Variants in PTPRG observed in about 807,000 individuals in gnomAD.
PTPRG encodes the protein receptor-type tyrosine-protein phosphatase gamma.
In PTPRG, 102 loss-of-function variants were observed where a neutral mutation model predicts 165.3. That is an observed-to-expected ratio of 0.62 (90% CI 0.53 to 0.73). PTPRG has a LOEUF of 0.73. Ranked by LOEUF, PTPRG falls within the 30% of genes least tolerant of loss-of-function variation. The pLI is 0.00. For missense variants in PTPRG, 1,866 were observed against 1,861.4 expected (o/e 1.00, Z -0.05); for synonymous variants, 675 against 669.5 (o/e 1.01, Z -0.13).
At chr3:62,215,615 A>T (rs1321913380) in intron 12 of PTPRG, among the ~76,000 whole-genome samples, 1 of 144,140 alleles carries the variant, frequency 6.9e-6, no homozygotes, top group Non-Finnish European at 1.5e-5. Flanking sequence ...CCATTGTGGA[A>T]ATCAAGTTTG....
intron 7 of PTPRG, among the ~76,000 whole-genome samples, chr3:62,157,458 T>C (rs1354383177): frequency 6.6e-6 from 1 of 152,222 alleles, no homozygotes; most frequent in African/African-American, 2.4e-5. Context: ...ACTCATGAAA[T>C]CTGAGTATTG....
At position 62,271,479 on chromosome 3, in the gene PTPRG, C is replaced by G. The variant is rs757504779; in HGVS notation, c.3106C>G (p.Leu1036Val). The change falls in exon 21 of 30, where the codon CTT becomes GTT. Residue 1036 changes from leucine (L) to valine (V), a missense_variant. This residue lies in a region of PTPRG where 1,452 missense variants were observed against 1,463.0 expected (regional missense o/e 0.99). Transcript: ENST00000474889. The surrounding 1 kb of genome is among the most constrained non-coding windows in gnomAD (Gnocchi z 4.1). ...TGACATGGGAGTTCCCGAGTATGCC[C>G]TTCCAGTACTGACTTTCGTGAGGAG... ...WPDMGVPEYA[L>V]PVLTFVRRSS... The G allele has an allele frequency of 6.2e-7, 1 of 1,614,016 alleles. No individual in the cohort carries two copies. The highest frequency in any genetic ancestry group is 8.5e-7 in the Non-Finnish European group (1 of 1,179,880).
rs540805114 is a variant in PTPRG at position 62,255,225 on chromosome 3, A to G, written c.2559+10A>G. 6.2e-7 allele frequency: 1 copy of G among 1,600,548 alleles called. No homozygotes were observed. The highest frequency in any genetic ancestry group is 2.2e-5 in the East Asian group (1 of 44,592). Reference sequence around the variant, plus strand: ...CTCTGAGGATTTTGAGGTATGTTTCAAGGCTGGAAGTTAACTTCCAGAAAC... The same window carrying G: ...CTCTGAGGATTTTGAGGTATGTTTCGAGGCTGGAAGTTAACTTCCAGAAAC... On this transcript the variant is annotated intron_variant, in intron 16 of 29. Transcript: ENST00000474889. This position sits in a 1 kb window ranked among gnomAD's most constrained non-coding sequence, Gnocchi z 4.0.
intron 5 of PTPRG, among the ~76,000 whole-genome samples, chr3:62,130,645 G>T (rs930539676): frequency 2.0e-5 from 3 of 152,024 alleles, no homozygotes; most frequent in Non-Finnish European, 4.4e-5. Context: ...TTCTATTCTG[G>T]CCTCTTGAAA....
intron 5 of PTPRG, among the ~76,000 whole-genome samples, chr3:62,082,357 C>G (rs1423664540): frequency 6.6e-6 from 1 of 152,176 alleles, no homozygotes; most frequent in South Asian, 2.1e-4. Context: ...ACAAACCTAG[C>G]AGACATCTGG....
intron 1 of PTPRG, among the ~76,000 whole-genome samples, chr3:61,567,849 T>C (rs1224798151): frequency 6.7e-6 from 1 of 149,532 alleles, no homozygotes; most frequent in African/African-American, 2.5e-5. Flanking sequence ...CTGTACTTGG[T>C]GGTATGCGCC....
At chr3:61,589,207 G>C (rs755060516) in intron 1 of PTPRG, among the ~76,000 whole-genome samples, 1 of 152,104 alleles carries the variant, frequency 6.6e-6, no homozygotes, top group Admixed American at 6.5e-5. Flanking sequence ...TGAAATAGCC[G>C]TATCTGTTTT....
intron 1 of PTPRG, among the ~76,000 whole-genome samples, chr3:61,662,402 C>T (rs1244790890): frequency 6.6e-6 from 1 of 152,134 alleles, no homozygotes; most frequent in African/African-American, 2.4e-5. Context: ...TATAAGTAAG[C>T]CTGGAAGTGG....
chr3:62,113,042 C>G (rs1244678040), intron 5 of PTPRG, among the ~76,000 whole-genome samples: 3 of 152,164 alleles, frequency 2.0e-5, no homozygotes, highest in Middle Eastern at 3.2e-3. Context: ...TGATTCATGT[C>G]TGAGAGATGA....
At chr3:61,764,722 C>G (rs1258292085) in intron 2 of PTPRG, among the ~76,000 whole-genome samples, 1 of 152,160 alleles carries the variant, frequency 6.6e-6, no homozygotes, top group African/African-American at 2.4e-5. Flanking sequence ...TTAAACTACT[C>G]TGTGAATTTT....
chr3:62,245,373 A>G lies in PTPRG; in HGVS notation c.2467+1475A>G, dbSNP rs574612968. ...ACTTTTTCCTCTTGCTTTACCTACAATATGTGTTGACCACTGGAAAATTCC... is the reference window on the plus strand; with the variant it reads ...ACTTTTTCCTCTTGCTTTACCTACAGTATGTGTTGACCACTGGAAAATTCC... On this transcript the variant is annotated intron_variant, in intron 15 of 29. Coordinates refer to ENST00000474889, the MANE Select transcript of PTPRG (RefSeq NM_002841.4). The surrounding 1 kb of genome is among the most constrained non-coding windows in gnomAD (Gnocchi z 4.2). Among the ~76,000 whole-genome samples, 1 of 152,260 alleles carries G rather than the reference A, an allele frequency of 6.6e-6. No homozygotes were observed. Among genetic ancestry groups the G allele is most frequent in the African/African-American group, 2.4e-5 (1 of 41,562 alleles).
At chr3:61,787,345 T>A (rs1289171117) in intron 2 of PTPRG, among the ~76,000 whole-genome samples, 1 of 152,246 alleles carries the variant, frequency 6.6e-6, no homozygotes, top group Non-Finnish European at 1.5e-5. Context: ...TTATTTAATT[T>A]ATGCTGTTAC....
intron 1 of PTPRG, among the ~76,000 whole-genome samples, chr3:61,705,496 A>G (rs528266593): frequency 6.6e-6 from 1 of 151,770 alleles, no homozygotes; most frequent in South Asian, 2.1e-4. Flanking sequence ...AGTTTGTCCA[A>G]TAGAGATGTT....
chr3:62,209,428 T>C (rs904303396), intron 12 of PTPRG, among the ~76,000 whole-genome samples: 1 of 152,140 alleles, frequency 6.6e-6, no homozygotes, highest in Non-Finnish European at 1.5e-5. Context: ...GAGTAGTAAT[T>C]TAAAGACAAA....
At chr3:62,073,502 T>C (rs541397814) in intron 4 of PTPRG, among the ~76,000 whole-genome samples, 1 of 152,042 alleles carries the variant, frequency 6.6e-6, no homozygotes, top group Non-Finnish European at 1.5e-5. Flanking sequence ...TTTTTGAGAC[T>C]GAGTCTCACT....
At chr3:61,890,219 G>A (rs915215768) in intron 2 of PTPRG, among the ~76,000 whole-genome samples, 3 of 152,126 alleles carry the variant, frequency 2.0e-5, no homozygotes, top group Non-Finnish European at 4.4e-5. Flanking sequence ...CCATAGCTTA[G>A]TATTTAAGGT....
chr3:61,848,968 A>G (rs894087460), intron 2 of PTPRG, among the ~76,000 whole-genome samples: 1 of 152,242 alleles, frequency 6.6e-6, no homozygotes, highest in Non-Finnish European at 1.5e-5. Flanking sequence ...TATCACAGCA[A>G]AAGTTCCTTC....
intron 1 of PTPRG, among the ~76,000 whole-genome samples, chr3:61,608,385 A>C (rs9870321): frequency 0.051 from 7,760 of 152,190 alleles, 642 homozygotes; most frequent in African/African-American, 0.17. Context: ...CAACTATGTG[A>C]TCTCACCACG....
chr3:62,223,645 G>A (rs530151978), intron 13 of PTPRG, among the ~76,000 whole-genome samples: 5 of 152,220 alleles, frequency 3.3e-5, no homozygotes, highest in South Asian at 4.2e-4. Context: ...GTGAGGATTC[G>A]GTGCAAGCTA....
Sources: allele counts gnomAD v4.1 joint callset (sites outside exome capture counted in the v4.1 genomes callset), GRCh38; gene constraint gnomAD v4.1.1; regional missense constraint gnomAD v4.1.1; non-coding constraint Gnocchi (gnomAD v3.1); transcripts MANE v1.5; gene names NCBI Gene and HGNC (gene_info 2026-07-23, HGNC 2026-07-21).